The following MS4A3 variants were observed in gnomAD, a reference collection of about 807,000 sequenced individuals.
MS4A3 encodes membrane spanning 4-domains A3, also known as membrane-spanning 4-domains subfamily A member 3.
In MS4A3, 18 loss-of-function variants were observed where a neutral mutation model predicts 24.7. That is an observed-to-expected ratio of 0.73 (90% CI 0.50 to 1.08). The LOEUF (loss-of-function observed/expected upper bound fraction) is 1.08. Among genes scored for constraint, MS4A3 ranks in the 50% least tolerant of loss-of-function variants. MS4A3 has a pLI of 0.00. For synonymous variants in MS4A3, 84 were observed against 95.3 expected, an observed-to-expected ratio of 0.88 and a Z score of 0.69; for missense variants, 282 against 251.7, an observed-to-expected ratio of 1.12 and a Z score of -0.82.
At chr11:60,068,058 A>T (rs1855400030) in intron 5 of MS4A3, among the ~76,000 whole-genome samples, 1 of 151,566 alleles carries the variant, frequency 6.6e-6, no homozygotes. Context: ...CTCAAAAAAT[A>T]AAAAAATAAA....
intron 6 of MS4A3, 36 bp from the exon 7 acceptor site, chr11:60,070,168 C>G: frequency 1.3e-6 from 2 of 1,562,682 alleles, no homozygotes; most frequent in Non-Finnish European, 1.8e-6. Flanking sequence ...AGATAATGAT[C>G]CTGTTCTTGG....
At chr11:60,067,212 C>CTTT (rs35764500) in intron 5 of MS4A3, 100 bp downstream of exon 5, 75,913 of 534,124 alleles carry the variant, frequency 0.14, 4,766 homozygotes, top group Admixed American at 0.29. Context: ...TAATTTGAAT[C>CTTT]TTTTTTTTTT....
At chr11:60,057,024 T>G (rs1659773027) in intron 1 of MS4A3, among the ~76,000 whole-genome samples, 1 of 152,210 alleles carries the variant, frequency 6.6e-6, no homozygotes, top group Admixed American at 6.5e-5. Flanking sequence ...TCCCACTGGC[T>G]GCACCTGAGT....
intron 2 of MS4A3, among the ~76,000 whole-genome samples, chr11:60,061,789 C>T (rs1269713152): frequency 6.6e-6 from 1 of 152,136 alleles, no homozygotes; most frequent in East Asian, 1.9e-4. Context: ...CAAGAGCCAA[C>T]TGTATCATGT....
chr11:60,070,237 A>G lies in MS4A3; in HGVS notation c.*4A>G. The stretch of plus-strand genomic sequence containing the variant: ...CTCACCTCCCAATTCTGTGTAATCA[A>G]GAATACCTCCTTAATTCTGAGAGCA... On this transcript the variant is annotated 3_prime_UTR_variant, in exon 7 of 7. Transcript: ENST00000278865. 1 of 1,539,436 alleles carries G rather than the reference A, an allele frequency of 6.5e-7. No individual in the cohort carries two copies. The highest frequency in any genetic ancestry group is 8.9e-7 in the Non-Finnish European group (1 of 1,123,392).
chr11:60,067,778 T>G (rs2134667952), intron 5 of MS4A3, among the ~76,000 whole-genome samples: 1 of 151,700 alleles, frequency 6.6e-6, no homozygotes, highest in South Asian at 2.1e-4. Context: ...CCGGGCGCGG[T>G]GGCTCACGCC....
At chr11:60,066,200 T>A (rs370270747) in intron 4 of MS4A3, among the ~76,000 whole-genome samples, 56 of 152,318 alleles carry the variant, frequency 3.7e-4, no homozygotes, top group African/African-American at 1.3e-3. Flanking sequence ...TTTTGACCTT[T>A]TCTTATCTTT....
chr11:60,065,214 CT>C (rs143084907), intron 4 of MS4A3, among the ~76,000 whole-genome samples: 4,138 of 128,068 alleles, frequency 0.032, 53 homozygotes, highest in Middle Eastern at 0.076. Flanking sequence ...TAATTTTTGT[CT>C]TTTTTTTTTT....
Position 60,056,709 on chromosome 11 carries a change from A to G in MS4A3, c.-47A>G, listed in dbSNP as rs554738835. ...CTTGCGACAAGGTGGACTTGGGAGG[A>G]AAGCCGTCTGCCAAAGCCTGAAGCC... On this transcript the variant is annotated 5_prime_UTR_variant, in exon 1 of 7. Transcript: ENST00000278865. 12 of 152,260 alleles carry G rather than the reference A, an allele frequency of 7.9e-5. No individual in the cohort carries two copies. Among genetic ancestry groups the G allele is most frequent in the African/African-American group, 2.2e-4 (9 of 41,540 alleles). 9.4% of individuals were successfully genotyped at this position (152,260 alleles called of 1,614,324 possible). A position where few individuals can be genotyped will look rare whatever the true frequency, so the allele number is the denominator to read the frequency against.
intron 1 of MS4A3, among the ~76,000 whole-genome samples, chr11:60,057,608 G>A (rs1855192789): frequency 6.6e-6 from 1 of 152,138 alleles, no homozygotes; most frequent in African/African-American, 2.4e-5. Flanking sequence ...GTTTCACCAT[G>A]TTAGCAAGGA....
At position 60,057,216 on chromosome 11, in the gene MS4A3, T is replaced by C. The variant is rs1210938942; in HGVS notation, c.-16+476T>C. On this transcript the variant is annotated intron_variant, in intron 1 of 6. Coordinates refer to ENST00000278865, the MANE Select transcript of MS4A3 (RefSeq NM_006138.5). ...GAAAGCTACTTAACTTCTTTGTTCC[T>C]CAGCTTCTTCATCTGTTAGATGGAA... is the stretch of plus-strand genomic sequence containing the variant. Among the ~76,000 whole-genome samples, 4 of 152,194 alleles carry C rather than the reference T, an allele frequency of 2.6e-5. No individual in the cohort carries two copies. The East Asian group carries it at 7.7e-4, about 29-fold the overall frequency.
chr11:60,059,161 C>G (rs1855227335), intron 1 of MS4A3, among the ~76,000 whole-genome samples: 1 of 152,034 alleles, frequency 6.6e-6, no homozygotes, highest in African/African-American at 2.4e-5. Flanking sequence ...ATTTTTATAG[C>G]AATTCCCAGT....
chr11:60,064,199 C>A (rs1855322117), intron 3 of MS4A3, 63 bp from the exon 4 acceptor site: 3 of 1,294,866 alleles, frequency 2.3e-6, no homozygotes, highest in Non-Finnish European at 2.2e-6. Flanking sequence ...TGAGGGAGGA[C>A]CAAGAAGAAA....
At position 60,070,061 on chromosome 11, in the gene MS4A3, G is replaced by A. The variant is rs1177638843; in HGVS notation, c.616-143G>A. On this transcript the variant is annotated intron_variant, in intron 6 of 6. Transcript: ENST00000278865. ...TTCTAATGTTTGTTGTGAGTACTGT[G>A]TATATAATCTTTATGGCATTTGGCA... 6.0e-5 allele frequency: 43 copies of A among 711,202 alleles called. No individual in the cohort carries two copies. The Admixed American group carries it at 1.0e-3, about 17-fold the overall frequency. 44.1% of individuals were successfully genotyped at this position (711,202 alleles called of 1,614,324 possible).
At chr11:60,069,550 G>A (rs768888684) in intron 5 of MS4A3, 24 bp from the exon 6 acceptor site, 28 of 1,530,908 alleles carry the variant, frequency 1.8e-5, no homozygotes, top group Non-Finnish European at 2.3e-5. Flanking sequence ...CACTGGGTTT[G>A]ATATAAGGCA....
chr11:60,067,212 C>CA, intron 5 of MS4A3, 100 bp downstream of exon 5: 3 of 548,100 alleles, frequency 5.5e-6, no homozygotes, highest in South Asian at 2.3e-5. Context: ...TAATTTGAAT[C>CA]TTTTTTTTTT....
chr11:60,067,060 A>G lies in MS4A3; in HGVS notation c.461A>G (p.His154Arg), dbSNP rs1174463405. 6.2e-7 allele frequency: 1 copy of G among 1,613,140 alleles called. No individual in the cohort carries two copies. Among genetic ancestry groups the G allele is most frequent in the Non-Finnish European group, 8.5e-7 (1 of 1,179,756 alleles). The change falls in exon 5 of 7, where the codon CAC becomes CGC. Residue 154 changes from histidine to arginine, a missense_variant. Transcript: ENST00000278865. ...AVNIQSLRSC[H>R]SSSESPDLCN... ...AATATCCAGTCATTAAGGAGTTGTC[A>G]CTCTTCATCAGAGTCACCGGACCTA... is the stretch of plus-strand genomic sequence containing the variant.
At chr11:60,058,483 G>C (rs1590610362) in intron 1 of MS4A3, among the ~76,000 whole-genome samples, 1 of 106,286 alleles carries the variant, frequency 9.4e-6, no homozygotes, top group East Asian at 3.0e-4. Flanking sequence ...CTCCAGCCTG[G>C]GAGACAGAGC....
chr11:60,070,929 C>T lies in MS4A3; in HGVS notation c.*696C>T, dbSNP rs1855465744. Reference sequence around the variant, plus strand: ...TAAAGTAGAGAACTAAAGAATAAGGCCTTTAGAATCTGACACATCTGGGTT... The same window carrying T: ...TAAAGTAGAGAACTAAAGAATAAGGTCTTTAGAATCTGACACATCTGGGTT... On this transcript the variant is annotated 3_prime_UTR_variant, in exon 7 of 7. Transcript: ENST00000278865. The T allele has an allele frequency of 4.6e-5, 7 of 152,124 alleles. No individual in the cohort carries two copies. The highest frequency in any genetic ancestry group is 4.6e-4 in the Admixed American group (7 of 15,270). 9.4% of individuals were successfully genotyped at this position (152,124 alleles called of 1,614,324 possible). A position where few individuals can be genotyped will look rare whatever the true frequency, so the allele number is the denominator to read the frequency against.
Sources: gnomAD v4.1 joint callset for allele counts (sites outside exome capture counted in the v4.1 genomes callset) on GRCh38, gnomAD v4.1.1 for gene constraint, MANE v1.5 for transcripts, NCBI Gene and HGNC (gene_info 2026-07-23, HGNC 2026-07-21) for gene names.